The following EDIL3 variants were observed in gnomAD, a reference collection of about 807,000 sequenced individuals.
The protein encoded by EDIL3 is EGF-like repeat and discoidin I-like domain-containing protein 3.
EDIL3 carries 37 observed loss-of-function variants against 67.4 expected under a neutral mutation model. That is an observed-to-expected ratio of 0.55 (90% CI 0.42 to 0.72). The LOEUF (loss-of-function observed/expected upper bound fraction) is 0.72. EDIL3 is among the 30% of genes least tolerant of loss of function. The probability of loss-of-function intolerance (pLI) is 0.00; values close to 1 mark genes in which losing one functional copy is unlikely to be tolerated. For synonymous variants in EDIL3, 195 were observed against 196.3 expected, an observed-to-expected ratio of 0.99 and a Z score of 0.05; for missense variants, 527 against 586.3, an observed-to-expected ratio of 0.90 and a Z score of 1.04.
chr5:83,993,296 C>T (rs972247220), intron 9 of EDIL3, among the ~76,000 whole-genome samples: 1 of 152,164 alleles, frequency 6.6e-6, no homozygotes, highest in Admixed American at 6.6e-5. Context: ...CCTCAGCCTC[C>T]TGAGTAGCTG....
At chr5:83,953,800 G>C (rs1315330411) in intron 10 of EDIL3, among the ~76,000 whole-genome samples, 1 of 151,740 alleles carries the variant, frequency 6.6e-6, no homozygotes, top group East Asian at 1.9e-4. Flanking sequence ...TTGATGATGA[G>C]AAATGTGTTG....
chr5:83,992,466 T>G (rs1218278546), intron 9 of EDIL3, among the ~76,000 whole-genome samples: 2 of 152,156 alleles, frequency 1.3e-5, no homozygotes, highest in Non-Finnish European at 2.9e-5. Context: ...ATTACGTCAA[T>G]GAATGGTTCA....
chr5:84,084,803 C>T (rs537889894), intron 6 of EDIL3, among the ~76,000 whole-genome samples: 7 of 152,052 alleles, frequency 4.6e-5, no homozygotes, highest in African/African-American at 7.2e-5. Flanking sequence ...GATAGAGGAA[C>T]AAATGCTTTG....
chr5:84,211,012 A>G (rs1464700511), intron 3 of EDIL3, among the ~76,000 whole-genome samples: 1 of 152,214 alleles, frequency 6.6e-6, no homozygotes, highest in Admixed American at 6.5e-5. Flanking sequence ...CCCCCCAACC[A>G]AAATATATTC....
chr5:84,030,557 T>A (rs2112202043), intron 9 of EDIL3, among the ~76,000 whole-genome samples: 1 of 152,324 alleles, frequency 6.6e-6, no homozygotes, highest in South Asian at 2.1e-4. Context: ...AGGGCTGTAT[T>A]TATACTGTCA....
chr5:84,171,246 G>A (rs545975807), intron 4 of EDIL3, among the ~76,000 whole-genome samples: 9 of 152,106 alleles, frequency 5.9e-5, no homozygotes, highest in African/African-American at 1.4e-4. Context: ...AGAAAAAAAT[G>A]TTTTACTGTT....
intron 1 of EDIL3, among the ~76,000 whole-genome samples, chr5:84,338,212 AG>A (rs764181829): frequency 5.3e-5 from 8 of 152,160 alleles, no homozygotes; most frequent in Non-Finnish European, 8.8e-5. Flanking sequence ...AGAAGGACTA[AG>A]GAGACCATCC....
rs1000308357 is a variant in EDIL3 at position 84,204,591 on chromosome 5, C to T, written c.227-24070G>A. Among the ~76,000 whole-genome samples the T allele has an allele frequency of 3.9e-5, 6 of 152,092 alleles. No individual in the cohort carries two copies. In the South Asian group the frequency reaches 1.2e-3, roughly 32 times the overall value. ...GGCACTATCCAATTATTTTCCATAT[C>T]TAGGTATACATACAACCTGCCCATC... On this transcript the variant is annotated intron_variant, in intron 3 of 10. Coordinates refer to ENST00000296591, the MANE Select transcript of EDIL3 (RefSeq NM_005711.5).
chr5:84,274,756 GACAC>G (rs1267635643), intron 1 of EDIL3, among the ~76,000 whole-genome samples: 3 of 145,196 alleles, frequency 2.1e-5, no homozygotes, highest in Middle Eastern at 3.2e-3. Context: ...CACACACACA[GACAC>G]ACACAGACAC....
At chr5:84,157,073 AC>A (rs1748505278) in intron 4 of EDIL3, among the ~76,000 whole-genome samples, 1 of 152,184 alleles carries the variant, frequency 6.6e-6, no homozygotes, top group South Asian at 2.1e-4. Flanking sequence ...TTAGAAAAAA[AC>A]ATAGCAGATC....
intron 9 of EDIL3, among the ~76,000 whole-genome samples, chr5:84,056,001 A>C (rs1746438817): frequency 6.6e-6 from 1 of 152,194 alleles, no homozygotes; most frequent in Non-Finnish European, 1.5e-5. Flanking sequence ...CTATAAAGAC[A>C]CATGCACACG....
intron 2 of EDIL3, among the ~76,000 whole-genome samples, chr5:84,239,469 G>A (rs1160509): frequency 0.81 from 122,720 of 151,900 alleles, 49,927 homozygotes; most frequent in East Asian, 0.95. Context: ...TTTAAGTTCT[G>A]GGGTACATAT....
rs1406543150 is a variant in EDIL3, at chr5:84,091,861, C to G, written c.651+14788G>C. ...GTTACATTAGAGGCAATATGAGAAT[C>G]TAATTCATAAATAGCATTTCCCATA... On this transcript the variant is annotated intron_variant, in intron 6 of 10. Coordinates refer to ENST00000296591, the MANE Select transcript of EDIL3 (RefSeq NM_005711.5). 3.3e-5 allele frequency among the ~76,000 whole-genome samples: 5 copies of G among 152,146 alleles called. No individual in the cohort carries two copies. The East Asian group carries it at 9.6e-4, about 29-fold the overall frequency.
chr5:84,339,119 A>C (rs1021387755), intron 1 of EDIL3, among the ~76,000 whole-genome samples: 1 of 152,128 alleles, frequency 6.6e-6, no homozygotes, highest in African/African-American at 2.4e-5. Context: ...TTATCATCAC[A>C]GATAAAATAA....
At chr5:84,235,337 C>T (rs1280155486) in intron 2 of EDIL3, among the ~76,000 whole-genome samples, 1 of 152,168 alleles carries the variant, frequency 6.6e-6, no homozygotes, top group Non-Finnish European at 1.5e-5. Flanking sequence ...CTGTGAGGCA[C>T]AGCATTGGAT....
chr5:84,054,042 C>A (rs898608290), intron 9 of EDIL3, among the ~76,000 whole-genome samples: 436 of 152,136 alleles, frequency 2.9e-3, no homozygotes, highest in Non-Finnish European at 2.3e-3. Context: ...TGATGAACAT[C>A]GATGCAAAAA....
chr5:84,264,987 C>T (rs1161811673), intron 1 of EDIL3, among the ~76,000 whole-genome samples: 1 of 152,062 alleles, frequency 6.6e-6, no homozygotes, highest in African/African-American at 2.4e-5. Flanking sequence ...AAAATAACCT[C>T]CAAGGAAAAC....
intron 4 of EDIL3, among the ~76,000 whole-genome samples, chr5:84,139,986 T>C (rs1255415325): frequency 1.3e-5 from 2 of 152,122 alleles, no homozygotes; most frequent in Non-Finnish European, 2.9e-5. Context: ...AGAATGTAGA[T>C]AGGGAACAGA....
chr5:84,169,674 G>T (rs897481272), intron 4 of EDIL3, among the ~76,000 whole-genome samples: 1 of 149,336 alleles, frequency 6.7e-6, no homozygotes, highest in Non-Finnish European at 1.5e-5. Context: ...TTTTCACTCA[G>T]CTTAATTTCC....
Sources: allele counts gnomAD v4.1 joint callset (sites outside exome capture counted in the v4.1 genomes callset), GRCh38; gene constraint gnomAD v4.1.1; transcripts MANE v1.5; gene names NCBI Gene and HGNC (gene_info 2026-07-23, HGNC 2026-07-21).